Variants in FGF14 observed in about 807,000 individuals in gnomAD.
FGF14 encodes fibroblast growth factor homologous factor 4.
A neutral mutation model predicts 25.5 loss-of-function variants in FGF14; 5 were observed. The observed-to-expected ratio is 0.20, with a 90% confidence interval of 0.10 to 0.41. The LOEUF is 0.41. Among genes scored for constraint, FGF14 ranks in the 10% least tolerant of loss-of-function variants. The pLI is 1.00. For synonymous variants in FGF14, 138 were observed against 118.3 expected (o/e 1.17, Z -1.08); for missense variants, 222 against 320.1 (o/e 0.69, Z 2.34).
At chr13:101,823,283 T>A (rs1449972301) in intron 3 of FGF14, among the ~76,000 whole-genome samples, 1 of 151,502 alleles carries the variant, frequency 6.6e-6, no homozygotes, top group Non-Finnish European at 1.5e-5. Flanking sequence ...GACATTGTTT[T>A]CAAAGGAGCT....
At chr13:102,065,524 A>G (rs1595155219) in intron 1 of FGF14, among the ~76,000 whole-genome samples, 1 of 152,146 alleles carries the variant, frequency 6.6e-6, no homozygotes, top group African/African-American at 2.4e-5. Context: ...AACATGGTTT[A>G]TTTTAAAATA....
intron 1 of FGF14, among the ~76,000 whole-genome samples, chr13:102,301,029 G>C (rs894370897): frequency 6.6e-6 from 1 of 151,482 alleles, no homozygotes; most frequent in African/African-American, 2.4e-5. Context: ...AAAGAAAAAG[G>C]CTATTAGGCT....
chr13:102,221,623 A>AACACAC (rs34205303), intron 1 of FGF14, among the ~76,000 whole-genome samples: 17 of 150,110 alleles, frequency 1.1e-4, no homozygotes, highest in Middle Eastern at 3.5e-3. Flanking sequence ...CAAACACACA[A>AACACAC]ACACACACAC....
At chr13:101,743,430 AATTT>A (rs1241140609) in intron 3 of FGF14, among the ~76,000 whole-genome samples, 7 of 152,222 alleles carry the variant, frequency 4.6e-5, no homozygotes, top group Admixed American at 2.6e-4. Flanking sequence ...TTAATTAATT[AATTT>A]ATTTATTTTG....
intron 2 of FGF14, among the ~76,000 whole-genome samples, chr13:101,871,689 G>C (rs1240259825): frequency 1.3e-5 from 2 of 151,912 alleles, no homozygotes; most frequent in Non-Finnish European, 2.9e-5. Context: ...AAAGCAAAGT[G>C]GGGGGAAAGA....
rs1383747666 is a variant in FGF14, at chr13:101,742,580, G to A, written c.409-15770C>T. ...TTCAAAATAAAATATTTACCTCTAT[G>A]GAATTATTGAATTTCATGAGGATTG... is the stretch of plus-strand genomic sequence containing the variant. On this transcript the variant is annotated intron_variant, in intron 3 of 4. Transcript: ENST00000376143. Among the ~76,000 whole-genome samples, 3 of 152,178 alleles carry A rather than the reference G, an allele frequency of 2.0e-5. No individual in the cohort carries two copies. In the East Asian group the frequency reaches 5.8e-4, roughly 29 times the overall value.
Position 102,102,116 on chromosome 13 carries a change from C to T in FGF14, c.209-226820G>A, listed in dbSNP as rs1902636. Among the ~76,000 whole-genome samples, 6 of 152,054 alleles carry T rather than the reference C, an allele frequency of 3.9e-5. No homozygotes were observed. The East Asian group carries it at 1.2e-3, about 29-fold the overall frequency. On this transcript the variant is annotated intron_variant, in intron 1 of 4. Coordinates refer to the FGF14 transcript ENST00000376131. ...AACTCTAATGAAAACTGATCCAATACAGTTGGTATGAGTGATTAACTTTGC... is the reference window on the plus strand; with the variant it reads ...AACTCTAATGAAAACTGATCCAATATAGTTGGTATGAGTGATTAACTTTGC...
chr13:102,178,083 C>G (rs570905317), intron 1 of FGF14, among the ~76,000 whole-genome samples: 128 of 152,164 alleles, frequency 8.4e-4, no homozygotes, highest in Non-Finnish European at 1.3e-3. Flanking sequence ...AAACATAGCA[C>G]TAACGTCTCT....
At chr13:102,325,170 GA>G (rs1007055949) in intron 1 of FGF14, among the ~76,000 whole-genome samples, 33 of 151,460 alleles carry the variant, frequency 2.2e-4, no homozygotes, top group African/African-American at 8.0e-4. Context: ...ATAGCCTACA[GA>G]AACAAGGCAT....
chr13:102,167,312 CAAAAAAA>C (rs10689114), intron 1 of FGF14, among the ~76,000 whole-genome samples: 9 of 72,752 alleles, frequency 1.2e-4, no homozygotes, highest in South Asian at 9.9e-4. Flanking sequence ...CACTCCATCT[CAAAAAAA>C]AAAAAAAAAA....
chr13:102,026,499 C>T (rs1473337599), intron 1 of FGF14, among the ~76,000 whole-genome samples: 1 of 151,824 alleles, frequency 6.6e-6, no homozygotes, highest in African/African-American at 2.4e-5. Context: ...AGATCTTGAA[C>T]ACATTAAGTA....
At chr13:102,117,822 ATTTG>A (rs1228952477) in intron 1 of FGF14, among the ~76,000 whole-genome samples, 4 of 152,326 alleles carry the variant, frequency 2.6e-5, no homozygotes, top group East Asian at 3.9e-4. Context: ...ACGTATGTGT[ATTTG>A]TTTATTTTTT....
intron 1 of FGF14, among the ~76,000 whole-genome samples, chr13:101,881,738 C>A (rs1377465890): frequency 2.0e-5 from 3 of 152,146 alleles, no homozygotes; most frequent in Non-Finnish European, 4.4e-5. Flanking sequence ...ACAAGCGCAC[C>A]AGCAAAGAAG....
intron 1 of FGF14, among the ~76,000 whole-genome samples, chr13:102,100,623 A>C (rs932706563): frequency 6.6e-6 from 1 of 152,190 alleles, no homozygotes; most frequent in Non-Finnish European, 1.5e-5. Context: ...TGGGCAAGAC[A>C]CAAGTTGGTT....
At chr13:101,867,206 T>C (rs2044756288) in intron 3 of FGF14, among the ~76,000 whole-genome samples, 1 of 152,138 alleles carries the variant, frequency 6.6e-6, no homozygotes, top group African/African-American at 2.4e-5. Context: ...TTCCTACTGC[T>C]TAGCCTGCAC....
At chr13:101,894,206 T>C (rs1220505100) in intron 1 of FGF14, among the ~76,000 whole-genome samples, 6 of 152,138 alleles carry the variant, frequency 3.9e-5, no homozygotes, top group Non-Finnish European at 8.8e-5. Context: ...ATCTACATTA[T>C]GATTAAAATA....
intron 1 of FGF14, among the ~76,000 whole-genome samples, chr13:102,046,944 T>C (rs2042010626): frequency 6.6e-6 from 1 of 152,200 alleles, no homozygotes; most frequent in Non-Finnish European, 1.5e-5. Flanking sequence ...CACCAAACCA[T>C]CTCAGCAGAT....
intron 1 of FGF14, among the ~76,000 whole-genome samples, chr13:102,246,575 C>T (rs1049644309): frequency 1.3e-5 from 2 of 151,920 alleles, no homozygotes; most frequent in African/African-American, 4.8e-5. Flanking sequence ...AATTTTATAT[C>T]CAGGTTTGTT....
At chr13:101,787,815 G>C (rs927994441) in intron 3 of FGF14, among the ~76,000 whole-genome samples, 5 of 152,018 alleles carry the variant, frequency 3.3e-5, no homozygotes, top group African/African-American at 9.7e-5. Context: ...ACTCATCTCT[G>C]TCCACTGAAA....
Sources: allele counts gnomAD v4.1 joint callset (sites outside exome capture counted in the v4.1 genomes callset), GRCh38; gene constraint gnomAD v4.1.1; transcripts MANE v1.5; gene names NCBI Gene and HGNC (gene_info 2026-07-23, HGNC 2026-07-21).